The following PPFIBP2 variants were observed in gnomAD, a reference collection of about 807,000 sequenced individuals.
PPFIBP2 encodes liprin-beta-2.
PPFIBP2 carries 118 observed loss-of-function variants against 118.3 expected under a neutral mutation model. The ratio of observed to expected loss-of-function variants is 1.00; its 90% CI spans 0.86 to 1.16. PPFIBP2 has a LOEUF of 1.16. PPFIBP2 is among the 50% of genes most tolerant of loss of function. The pLI, the probability that PPFIBP2 is intolerant of heterozygous loss-of-function variation, is 0.00. For missense variants in PPFIBP2, 1,195 were observed against 1,073.1 expected (o/e 1.11, Z -1.59); for synonymous variants, 414 against 397.4 (o/e 1.04, Z -0.50).
chr11:7,622,928 T>C, intron 7 of PPFIBP2, among the ~76,000 whole-genome samples: 1 of 152,238 alleles, frequency 6.6e-6, no homozygotes, highest in East Asian at 1.9e-4. Flanking sequence ...ACCTTTGAGA[T>C]GCTAAGGGTT....
At chr11:7,666,730 TTGTGGATGAAGTTCCTCCA>T in the PPFIBP2 span, 5 of 510,360 alleles carry the variant, frequency 9.8e-6, no homozygotes, top group South Asian at 2.4e-5. Context: ...ACCCTTTGTT[TTGTGGATGAAGTTCCTCCA>T]TGTGGATGAA....
At chr11:7,603,346 AT>A (rs746393604) in intron 5 of PPFIBP2, among the ~76,000 whole-genome samples, 21 of 152,228 alleles carry the variant, frequency 1.4e-4, no homozygotes, top group Non-Finnish European at 3.1e-4. Flanking sequence ...CAGAGAGATG[AT>A]TGAGTTAGTG....
At chr11:7,636,342 C>T (rs185240362) in intron 14 of PPFIBP2, among the ~76,000 whole-genome samples, 198 of 152,258 alleles carry the variant, frequency 1.3e-3, no homozygotes, top group Non-Finnish European at 1.7e-3. Flanking sequence ...AAGATCTTTT[C>T]TGCACGTCTG....
intron 4 of PPFIBP2, among the ~76,000 whole-genome samples, chr11:7,593,457 C>A (rs536429967): frequency 6.6e-6 from 1 of 152,310 alleles, no homozygotes; most frequent in East Asian, 1.9e-4. Flanking sequence ...ATCATGCACT[C>A]CCAAGCACCC....
chr11:7,577,626 G>A (rs755029351), intron 3 of PPFIBP2: 16 of 456,232 alleles, frequency 3.5e-5, no homozygotes, highest in East Asian at 1.4e-4. Flanking sequence ...AGCATTTCTC[G>A]TGGCTGAAGA....
intron 3 of PPFIBP2, among the ~76,000 whole-genome samples, chr11:7,566,802 G>A (rs950655789): frequency 1.3e-5 from 2 of 152,280 alleles, no homozygotes; most frequent in South Asian, 4.1e-4. Context: ...GTCAGTCAGG[G>A]TATTTAGGGT....
chr11:7,629,502 G>A lies in PPFIBP2; in HGVS notation c.932G>A (p.Arg311Gln), dbSNP rs781627418. Residue 311 changes from arginine to glutamine, a missense_variant, in exon 10 of 24, where the codon CGG (arginine) becomes CAG (glutamine). By Grantham distance (43) the Arg-to-Gln change is conservative. Coordinates refer to ENST00000299492, the MANE Select transcript of PPFIBP2 (RefSeq NM_003621.5). The stretch of plus-strand genomic sequence containing the variant: ...CTTACGGGGCTGTTAAACCAGTACC[G>A]GAAGGTAAAGGAGATTGTGATGGTC... ...EELTGLLNQY[R>Q]KVKEIVMVTQ... 26 of 1,613,956 alleles carry A rather than the reference G, an allele frequency of 1.6e-5. No homozygotes were observed. Among genetic ancestry groups the A allele is most frequent in the African/African-American group, 6.7e-5 (5 of 74,906 alleles).
intron 13 of PPFIBP2, 74 bp downstream of exon 13, chr11:7,634,626 G>A (rs1411396596): frequency 1.8e-6 from 2 of 1,139,014 alleles, no homozygotes; most frequent in East Asian, 2.3e-5. Flanking sequence ...GGATATACAG[G>A]CAGGTCCTGG....
At chr11:7,561,459 A>G (rs1247173478) in intron 2 of PPFIBP2, among the ~76,000 whole-genome samples, 2 of 152,104 alleles carry the variant, frequency 1.3e-5, no homozygotes, top group African/African-American at 4.8e-5. Context: ...TTGTTCTTTT[A>G]TGTCTTGCTC....
chr11:7,559,700 G>A (rs1854075128), intron 2 of PPFIBP2, among the ~76,000 whole-genome samples: 1 of 152,066 alleles, frequency 6.6e-6, no homozygotes, highest in African/African-American at 2.4e-5. Context: ...TATGAAATAG[G>A]CAATACTTTG....
chr11:7,550,305 T>C (rs1852824424), intron 2 of PPFIBP2, among the ~76,000 whole-genome samples: 1 of 152,214 alleles, frequency 6.6e-6, no homozygotes, highest in Admixed American at 6.5e-5. Context: ...TGCTCTTCAT[T>C]GTTTGAGCTG....
chr11:7,553,731 G>A (rs1277176984), intron 2 of PPFIBP2, among the ~76,000 whole-genome samples: 1 of 152,172 alleles, frequency 6.6e-6, no homozygotes, highest in Non-Finnish European at 1.5e-5. Context: ...GTGCTTAATT[G>A]ATGTAAGTTA....
downstream of PPFIBP2, among the ~76,000 whole-genome samples, chr11:7,658,906 A>C (rs1854827315): frequency 1.9e-5 from 2 of 103,356 alleles, no homozygotes; most frequent in Admixed American, 9.5e-5. Flanking sequence ...AGTGATGATG[A>C]GCATTTTTTC....
At chr11:7,632,971 T>C (rs1425759913) in intron 12 of PPFIBP2, 37 bp downstream of exon 12, 2 of 1,589,198 alleles carry the variant, frequency 1.3e-6, no homozygotes, top group East Asian at 4.5e-5. Flanking sequence ...GCCACTGTGC[T>C]CTCAGGCTTG....
chr11:7,599,359 A>G (rs1449314685), intron 5 of PPFIBP2, among the ~76,000 whole-genome samples: 2 of 152,222 alleles, frequency 1.3e-5, no homozygotes, highest in African/African-American at 4.8e-5. Flanking sequence ...TTGATGTTTC[A>G]GGAAGGCTAT....
At chr11:7,664,611 TG>T in the PPFIBP2 span, among the ~76,000 whole-genome samples, 28 of 152,222 alleles carry the variant, frequency 1.8e-4, no homozygotes, top group East Asian at 4.8e-3. Flanking sequence ...GGTGAGAGAA[TG>T]GGGTCGGAGT....
In PPFIBP2 at chr11:7,653,266, C is replaced by G. The variant is rs541807968; in HGVS notation, c.*48C>G. ...TGCACCCTGAGAGCTCACAGTAACA[C>G]TGTGTGTGTCACCATATAACTGCAC... On this transcript the variant is annotated 3_prime_UTR_variant, in exon 24 of 24. Transcript: ENST00000299492. The G allele has an allele frequency of 6.7e-5, 108 of 1,609,894 alleles. 1 individual carries two copies. In the South Asian group the frequency reaches 8.8e-4, roughly 13 times the overall value.
At chr11:7,542,334 C>T (rs1024371444) in intron 1 of PPFIBP2, among the ~76,000 whole-genome samples, 7 of 152,254 alleles carry the variant, frequency 4.6e-5, no homozygotes, top group Admixed American at 6.5e-5. Context: ...AGACAGATGC[C>T]GCATTAATTT....
intron 5 of PPFIBP2, among the ~76,000 whole-genome samples, chr11:7,604,178 G>C (rs1402430121): frequency 6.6e-6 from 1 of 152,136 alleles, no homozygotes; most frequent in Non-Finnish European, 1.5e-5. Context: ...CAGAATAAAG[G>C]CAGCCAGCAA....
Sources: allele counts gnomAD v4.1 joint callset (sites outside exome capture counted in the v4.1 genomes callset), GRCh38; gene constraint gnomAD v4.1.1; transcripts MANE v1.5; gene names NCBI Gene and HGNC (gene_info 2026-07-23, HGNC 2026-07-21).